TSEN15: variants seen among roughly 807,000 people sequenced by gnomAD.
TSEN15 encodes tRNA-splicing endonuclease subunit Sen15.
Under a neutral mutation model 20.5 loss-of-function variants are expected in TSEN15, and 10 were observed. That is an observed-to-expected ratio of 0.49 (90% CI 0.30 to 0.83). TSEN15 has a LOEUF of 0.83. Ranked by LOEUF, TSEN15 falls within the 40% of genes least tolerant of loss-of-function variation. The probability of loss-of-function intolerance (pLI) is 0.06; values close to 1 mark genes in which losing one functional copy is unlikely to be tolerated. For synonymous variants in TSEN15, 72 were observed against 80.1 expected (o/e 0.90, Z 0.54); for missense variants, 180 against 218.6 (o/e 0.82, Z 1.11).
At chr1:184,053,458 G>T (rs564890867) in intron 1 of TSEN15, among the ~76,000 whole-genome samples, 1 of 152,182 alleles carries the variant, frequency 6.6e-6, no homozygotes, top group East Asian at 1.9e-4. Context: ...TTATGTTTTG[G>T]GTGTTATTTT....
At chr1:184,090,913 A>T (rs1651345141) in intron 3 of TSEN15, among the ~76,000 whole-genome samples, 1 of 152,278 alleles carries the variant, frequency 6.6e-6, no homozygotes. Context: ...TTTCTGTAGT[A>T]TACAGCTCCC....
intron 1 of TSEN15, 81 bp downstream of exon 1, chr1:184,051,971 T>C (rs916068686): frequency 7.7e-7 from 1 of 1,296,472 alleles, no homozygotes; most frequent in African/African-American, 1.5e-5. Flanking sequence ...TCTTTCTTTC[T>C]TCCTCAGTGG....
chr1:184,073,054 A>T lies in TSEN15; in HGVS notation c.*207A>T. On this transcript the variant is annotated 3_prime_UTR_variant, in exon 5 of 5. Coordinates refer to ENST00000645668, the MANE Select transcript of TSEN15 (RefSeq NM_052965.4). ...AAAAATATAGGGTGATTTCTTTAAA[A>T]CTTTGTTATCTAGAGACAGTTTAAT... is the stretch of plus-strand genomic sequence containing the variant. 1 of 555,934 alleles carries T rather than the reference A, an allele frequency of 1.8e-6. No homozygotes were observed. The highest frequency in any genetic ancestry group is 3.8e-5 in the Admixed American group (1 of 26,522). The allele number at this position is 555,934 out of a possible 1,614,324, so 34.4% of individuals were successfully genotyped here.
At chr1:184,086,203 G>T (rs1285648806) in intron 3 of TSEN15, among the ~76,000 whole-genome samples, 1 of 152,180 alleles carries the variant, frequency 6.6e-6, no homozygotes, top group African/African-American at 2.4e-5. Context: ...AGTTCAAAAT[G>T]TATTAAAATA....
chr1:184,074,215 TG>T (rs1248382126), downstream of TSEN15: 6 of 152,306 alleles, frequency 3.9e-5, no homozygotes, highest in East Asian at 1.2e-3. Flanking sequence ...AATTAAAAGG[TG>T]TCTTGAAATC....
intron 3 of TSEN15, among the ~76,000 whole-genome samples, chr1:184,092,878 G>A (rs932114369): frequency 2.6e-5 from 4 of 152,144 alleles, no homozygotes; most frequent in Non-Finnish European, 4.4e-5. Context: ...TGAAAGCACC[G>A]TTGTGTTTGC....
At chr1:184,070,556 A>G (rs930325346) in intron 3 of TSEN15, 37 of 787,776 alleles carry the variant, frequency 4.7e-5, no homozygotes, top group Non-Finnish European at 4.6e-5. Context: ...TTGTAGAAAA[A>G]AATTAATTCA....
At chr1:184,066,298 G>C (rs945290985) in intron 3 of TSEN15, among the ~76,000 whole-genome samples, 15 of 150,824 alleles carry the variant, frequency 9.9e-5, no homozygotes, top group Non-Finnish European at 2.9e-5. Context: ...ATTTATGTGA[G>C]TCAATTCTGA....
chr1:184,077,688 G>A (rs1252632957), downstream of TSEN15, among the ~76,000 whole-genome samples: 4 of 152,134 alleles, frequency 2.6e-5, no homozygotes. Context: ...TTTGAAGGAT[G>A]TTGATTCCAA....
chr1:184,058,588 C>T (rs1405374863), intron 3 of TSEN15, among the ~76,000 whole-genome samples: 1 of 151,874 alleles, frequency 6.6e-6, no homozygotes, highest in Non-Finnish European at 1.5e-5. Context: ...ATATATCTAA[C>T]AGTAATGCTG....
Position 184,072,971 on chromosome 1 carries a change from A to C in TSEN15, c.*124A>C, listed in dbSNP as rs189140175. ...TAGTGAGGGTTGACTTCCCCATTCC[A>C]TAAGGTTTTCATTCTGAAGAGTAAA... On this transcript the variant is annotated 3_prime_UTR_variant, in exon 5 of 5. Coordinates refer to ENST00000645668, the MANE Select transcript of TSEN15 (RefSeq NM_052965.4). 1 of 921,076 alleles carries C rather than the reference A, an allele frequency of 1.1e-6. No individual in the cohort carries two copies. Among genetic ancestry groups the C allele is most frequent in the Non-Finnish European group, 1.7e-6 (1 of 605,242 alleles). 57.1% of individuals were successfully genotyped at this position (921,076 alleles called of 1,614,324 possible).
chr1:184,060,046 G>A (rs1433953927), intron 3 of TSEN15, among the ~76,000 whole-genome samples: 1 of 152,164 alleles, frequency 6.6e-6, no homozygotes, highest in Admixed American at 6.5e-5. Context: ...AAATCCCAAT[G>A]GGAAACATGG....
At chr1:184,094,805 T>C in intron 3 of TSEN15, 1 of 382,980 alleles carries the variant, frequency 2.6e-6, no homozygotes, top group Admixed American at 4.5e-5. Flanking sequence ...CTCCAGAGAC[T>C]ACCAATAAAA....
At chr1:184,075,337 T>G (rs1385060830), downstream of TSEN15, among the ~76,000 whole-genome samples, 1 of 152,152 alleles carries the variant, frequency 6.6e-6, no homozygotes, top group East Asian at 1.9e-4. Flanking sequence ...CACCCAGCTG[T>G]GTATGTCTCA....
intron 3 of TSEN15, chr1:184,058,020 A>T (rs923204557): frequency 3.3e-6 from 1 of 300,366 alleles, no homozygotes; most frequent in Non-Finnish European, 6.4e-6. Flanking sequence ...TTGTTTGGAC[A>T]AGGAGCTACT....
chr1:184,075,178 T>A (rs986354785), downstream of TSEN15, among the ~76,000 whole-genome samples: 2 of 152,148 alleles, frequency 1.3e-5, no homozygotes, highest in African/African-American at 4.8e-5. Context: ...CCCAACTCTT[T>A]AAACTAGGAT....
chr1:184,067,922 CTCA>C, intron 3 of TSEN15, among the ~76,000 whole-genome samples: 1 of 56,242 alleles, frequency 1.8e-5, no homozygotes. Context: ...GACTCTCTCT[CTCA>C]AAAAAAAAAA....
At chr1:184,090,684 A>G (rs376171652) in intron 3 of TSEN15, among the ~76,000 whole-genome samples, 3 of 152,188 alleles carry the variant, frequency 2.0e-5, no homozygotes, top group African/African-American at 7.2e-5. Context: ...TGTCTGATCA[A>G]GCATTTTCAT....
Position 184,061,714 on chromosome 1 carries a change from G to C in TSEN15, c.353+6851G>C, listed in dbSNP as rs149502284. Among the ~76,000 whole-genome samples, 258 of 152,238 alleles carry C rather than the reference G, an allele frequency of 1.7e-3. 1 individual carries two copies. Among genetic ancestry groups the C allele is most frequent in the Non-Finnish European group, 3.0e-3 (204 of 67,984 alleles). ...TTTTCTGCCTCCTTAAAAAGTAATT[G>C]TTCTAAGGAGTGTTTAATGTTATAT... On this transcript the variant is annotated intron_variant, in intron 3 of 4. Transcript: ENST00000645668.
Sources: gnomAD v4.1 joint callset for allele counts (sites outside exome capture counted in the v4.1 genomes callset) on GRCh38, gnomAD v4.1.1 for gene constraint, MANE v1.5 for transcripts, NCBI Gene and HGNC (gene_info 2026-07-23, HGNC 2026-07-21) for gene names.